ENC1: variants seen among roughly 807,000 people sequenced by gnomAD.
ENC1 encodes the protein ectoderm-neural cortex protein 1.
Under a neutral mutation model 40.9 loss-of-function variants are expected in ENC1, and 19 were observed. The ratio of observed to expected loss-of-function variants is 0.46; its 90% CI spans 0.32 to 0.68. ENC1 has a LOEUF of 0.68. Among genes scored for constraint, ENC1 ranks in the 30% least tolerant of loss-of-function variants. The pLI is 0.03. For missense variants in ENC1, 479 were observed against 737.5 expected (o/e 0.65, Z 4.06); for synonymous variants, 285 against 291.1 (o/e 0.98, Z 0.21).
rs758943823 is a variant in ENC1, at chr5:74,635,244, T to C, written c.1242A>G (p.Val414=). ...PASPSVSLKQ[V]EHYDPTINKW... ...TGTTGATTGTGGGGTCATAATGTTC[T>C]ACCTGCTTTAGAGAGACTGAGGGGG... The change falls in exon 2 of 3, where the codon GTA becomes GTG. Residue 414 remains valine (V), a synonymous_variant. Transcript: ENST00000302351. The surrounding 1 kb of genome is among the most constrained non-coding windows in gnomAD (Gnocchi z 5.5). 1.2e-6 allele frequency: 2 copies of C among 1,614,182 alleles called. No homozygotes were observed. Among genetic ancestry groups the C allele is most frequent in the Non-Finnish European group, 8.5e-7 (1 of 1,180,028 alleles).
chr5:74,637,742 A>G (rs1053926609), intron 1 of ENC1: 13 of 138,322 alleles, frequency 9.4e-5, no homozygotes, highest in Non-Finnish European at 1.4e-4. Flanking sequence ...TGCTTTATTT[A>G]AATCAAAAAA....
In ENC1 at chr5:74,635,668, T is replaced by C; in HGVS notation, c.818A>G (p.Lys273Arg). The part of the protein sequence containing the change: ...KEIVEEAIRC[K>R]LKILQNDGVV... Reference sequence around the variant, plus strand: ...ACCGTCATTCTGCAGGATTTTCAGTTTGCACCTGATGGCCTCTTCCACAAT... The same window carrying C: ...ACCGTCATTCTGCAGGATTTTCAGTCTGCACCTGATGGCCTCTTCCACAAT... Residue 273 changes from lysine (K) to arginine (R), a missense_variant, in exon 2 of 3, where the codon AAA becomes AGA. By Grantham distance (26) the Lys-to-Arg change is conservative (BLOSUM62 2). Coordinates refer to ENST00000302351, the MANE Select transcript of ENC1 (RefSeq NM_003633.4). The surrounding 1 kb of genome is among the most constrained non-coding windows in gnomAD (Gnocchi z 5.5). The C allele has an allele frequency of 1.9e-6, 3 of 1,614,162 alleles. No homozygotes were observed. The highest frequency in any genetic ancestry group is 2.5e-6 in the Non-Finnish European group (3 of 1,180,026).
At chr5:74,630,187 C>G (rs574708741) in intron 2 of ENC1, among the ~76,000 whole-genome samples, 195 bp from the exon 3 acceptor site, 2 of 152,270 alleles carry the variant, frequency 1.3e-5, no homozygotes, top group African/African-American at 4.8e-5. Flanking sequence ...AAGTACTTGC[C>G]TTAAATGCAC....
At chr5:74,638,417 T>G (rs77361079) in intron 1 of ENC1, among the ~76,000 whole-genome samples, 4,566 of 152,206 alleles carry the variant, frequency 0.03, 249 homozygotes, top group African/African-American at 0.11. Flanking sequence ...TTATGATGAG[T>G]AAACATGGCT....
chr5:74,638,950 C>T (rs916055152), intron 1 of ENC1, among the ~76,000 whole-genome samples: 10 of 152,204 alleles, frequency 6.6e-5, no homozygotes, highest in Non-Finnish European at 1.5e-4. Context: ...ACAACATTCA[C>T]AACCAGACTT....
rs751291467 is a variant in ENC1 at position 74,634,891 on chromosome 5, T to G, written c.1595A>C (p.His532Pro). 6.2e-7 allele frequency: 1 copy of G among 1,614,232 alleles called. No homozygotes were observed. Among genetic ancestry groups the G allele is most frequent in the African/African-American group, 1.3e-5 (1 of 75,066 alleles). Residue 532 changes from histidine to proline, a missense_variant, in exon 2 of 3, where the codon CAT becomes CCT. His to Pro is a moderately conservative substitution (Grantham distance 77). Coordinates refer to ENST00000302351, the MANE Select transcript of ENC1 (RefSeq NM_003633.4). ...GDVTAKRMSC[H>P]AVASGNKLYV... ...GAGTTTGTTTCCAGAGGCCACAGCA[T>G]GGCAGCTCATGCGCTTTGCTGTCAC... is the stretch of plus-strand genomic sequence containing the variant.
chr5:74,629,840 C>G lies in ENC1; in HGVS notation c.*185G>C, dbSNP rs1016466068. 9.0e-6 allele frequency: 1 copy of G among 111,370 alleles called. No homozygotes were observed. Among genetic ancestry groups the G allele is most frequent in the African/African-American group, 3.4e-5 (1 of 29,360 alleles). The allele number at this position is 111,370 out of a possible 1,614,324, so 6.9% of individuals were successfully genotyped here. A position where few individuals can be genotyped will look rare whatever the true frequency, so the allele number is the denominator to read the frequency against. On this transcript the variant is annotated 3_prime_UTR_variant, in exon 3 of 3. Coordinates refer to ENST00000302351, the MANE Select transcript of ENC1 (RefSeq NM_003633.4). ...TTGCACCAAAAATCCCACCCCCCTC[C>G]CTCGCCCCTTTCCTTCATGTCCAGT... is the stretch of plus-strand genomic sequence containing the variant.
intron 2 of ENC1, 84 bp from the exon 3 acceptor site, chr5:74,630,076 T>C (rs530808247): frequency 1.3e-5 from 2 of 152,338 alleles, no homozygotes; most frequent in South Asian, 4.1e-4. Context: ...ATTTTTCTTA[T>C]TAGCCACAAA....
Position 74,636,183 on chromosome 5 carries a change from C to T in ENC1, c.303G>A (p.Leu101=). 3 of 1,614,172 alleles carry T rather than the reference C, an allele frequency of 1.9e-6. No homozygotes were observed. Among genetic ancestry groups the T allele is most frequent in the Non-Finnish European group, 1.7e-6 (2 of 1,180,036 alleles). Residue 101 remains leucine (L), a synonymous_variant, in exon 2 of 3, where the codon CTG becomes CTA. Transcript: ENST00000302351. The surrounding 1 kb of genome is among the most constrained non-coding windows in gnomAD (Gnocchi z 4.8). ...CCCGGGAGGAGTACGCATAGTCAAGCAGCAGCTCCAAGACTTCTGGGTGGA... is the reference window on the plus strand; with the variant it reads ...CCCGGGAGGAGTACGCATAGTCAAGTAGCAGCTCCAAGACTTCTGGGTGGA... ...NSIHPEVLEL[L]LDYAYSSRVI...
rs1457821510 is a variant in ENC1 at position 74,629,580 on chromosome 5, C to T, written c.*445G>A. The stretch of plus-strand genomic sequence containing the variant: ...CCACAGTTGGGCTTTGAATCTCCAG[C>T]AGCAGCTGGTGTGGAGGCTTCAAGC... On this transcript the variant is annotated 3_prime_UTR_variant, in exon 3 of 3. Coordinates refer to ENST00000302351, the MANE Select transcript of ENC1 (RefSeq NM_003633.4). The T allele has an allele frequency of 6.6e-6, 1 of 152,276 alleles. No individual in the cohort carries two copies. The highest frequency in any genetic ancestry group is 1.5e-5 in the Non-Finnish European group (1 of 68,090). 9.4% of individuals were successfully genotyped at this position (152,276 alleles called of 1,614,324 possible). A position where few individuals can be genotyped will look rare whatever the true frequency, so the allele number is the denominator to read the frequency against.
At chr5:74,639,318 CA>C (rs1747736991) in intron 1 of ENC1, among the ~76,000 whole-genome samples, 1 of 152,200 alleles carries the variant, frequency 6.6e-6, no homozygotes, top group Admixed American at 6.5e-5. Flanking sequence ...TTTAAGCCCC[CA>C]GAGAAATCAC....
At position 74,636,158 on chromosome 5, in the gene ENC1, C is replaced by T; in HGVS notation, c.328G>A (p.Val110Ile). 1 of 1,614,148 alleles carries T rather than the reference C, an allele frequency of 6.2e-7. No homozygotes were observed. ...TCTGCATTTTCTTCATTGATGATGA[C>T]CCGGGAGGAGTACGCATAGTCAAGC... The part of the protein sequence containing the change: ...LLLDYAYSSR[V>I]IINEENAESL... The change falls in exon 2 of 3, where the codon GTC (valine) becomes ATC (isoleucine). Residue 110 changes from valine to isoleucine, a missense_variant. Transcript: ENST00000302351. This position sits in a 1 kb window ranked among gnomAD's most constrained non-coding sequence, Gnocchi z 4.8.
Position 74,636,493 on chromosome 5 carries a change from C to A in ENC1, c.-8G>T. On this transcript the variant is annotated 5_prime_UTR_variant, in exon 2 of 3. Transcript: ENST00000302351. This position sits in a 1 kb window ranked among gnomAD's most constrained non-coding sequence, Gnocchi z 4.8. The stretch of plus-strand genomic sequence containing the variant: ...ATGCACACTGACTGACATTTTGTTT[C>A]CACTCCTAAAAATAATAATAATAAT... 6.5e-7 allele frequency: 1 copy of A among 1,533,870 alleles called. No homozygotes were observed. Among genetic ancestry groups the A allele is most frequent in the Non-Finnish European group, 8.9e-7 (1 of 1,118,722 alleles).
intron 1 of ENC1, chr5:74,637,786 G>C (rs1747658077): frequency 7.1e-6 from 1 of 140,270 alleles, no homozygotes; most frequent in African/African-American, 2.6e-5. Context: ...GTGTGTGTGT[G>C]TGTGTGTATT....
At chr5:74,632,516 A>G (rs1209173448) in intron 2 of ENC1, among the ~76,000 whole-genome samples, 1 of 152,200 alleles carries the variant, frequency 6.6e-6, no homozygotes, top group African/African-American at 2.4e-5. Context: ...GAACTCTGAT[A>G]ACTGTACGAA....
At chr5:74,632,419 A>G (rs1304931223) in intron 2 of ENC1, among the ~76,000 whole-genome samples, 2 of 152,252 alleles carry the variant, frequency 1.3e-5, no homozygotes, top group African/African-American at 4.8e-5. Context: ...GTGAGACACT[A>G]TTAGCCCAGT....
At position 74,636,426 on chromosome 5, in the gene ENC1, G is replaced by A. The variant is rs1747596873; in HGVS notation, c.60C>T (p.Ile20=). The A allele has an allele frequency of 6.2e-7, 1 of 1,613,834 alleles. No individual in the cohort carries two copies. The highest frequency in any genetic ancestry group is 8.5e-7 in the Non-Finnish European group (1 of 1,179,880). Residue 20 remains isoleucine, a synonymous_variant, in exon 2 of 3, where the codon ATC becomes ATT. Transcript: ENST00000302351. This position sits in a 1 kb window ranked among gnomAD's most constrained non-coding sequence, Gnocchi z 4.8. ...KSRASSGSIN[I]YLFHKSSYAD... is the part of the protein sequence containing the mutation. Reference sequence around the variant, plus strand: ...CGTAGGAGGACTTGTGAAACAGATAGATGTTAATGGAGCCGCTGCTGGCCC... The same window carrying A: ...CGTAGGAGGACTTGTGAAACAGATAAATGTTAATGGAGCCGCTGCTGGCCC...
Position 74,635,611 on chromosome 5 carries a change from T to C in ENC1, c.875A>G (p.Lys292Arg). The change falls in exon 2 of 3, where the codon AAA becomes AGA. Residue 292 changes from lysine (K) to arginine (R), a missense_variant. By Grantham distance (26) the Lys-to-Arg change is conservative. Transcript: ENST00000302351. This position sits in a 1 kb window ranked among gnomAD's most constrained non-coding sequence, Gnocchi z 5.5. ...CAGAAGGAAGAGGGCATGGCCAGTT[T>C]TCCGAGGTCGGGCACAGAGGCTGGT... is the stretch of plus-strand genomic sequence containing the variant. ...VVTSLCARPR[K>R]TGHALFLLGG... The C allele has an allele frequency of 1.2e-6, 2 of 1,614,198 alleles. No homozygotes were observed. Among genetic ancestry groups the C allele is most frequent in the Non-Finnish European group, 1.7e-6 (2 of 1,180,038 alleles).
rs751485948 is a variant in ENC1 at position 74,636,519 on chromosome 5, A to C, written c.-13-21T>G. 10 of 1,311,904 alleles carry C rather than the reference A, an allele frequency of 7.6e-6. No individual in the cohort carries two copies. The East Asian group carries it at 2.5e-4, about 32-fold the overall frequency. 81.3% of individuals were successfully genotyped at this position (1,311,904 alleles called of 1,614,324 possible). A position where few individuals can be genotyped will look rare whatever the true frequency, so the allele number is the denominator to read the frequency against. On this transcript the variant is annotated intron_variant, in intron 1 of 2. Coordinates refer to ENST00000302351, the MANE Select transcript of ENC1 (RefSeq NM_003633.4). This position sits in a 1 kb window ranked among gnomAD's most constrained non-coding sequence, Gnocchi z 4.8. The stretch of plus-strand genomic sequence containing the variant: ...CACTCCTAAAAATAATAATAATAAT[A>C]AATTGAAAATGATGCTCCTGATGTT...
Sources: allele counts gnomAD v4.1 joint callset (sites outside exome capture counted in the v4.1 genomes callset), GRCh38; gene constraint gnomAD v4.1.1; non-coding constraint Gnocchi (gnomAD v3.1); transcripts MANE v1.5; gene names NCBI Gene and HGNC (gene_info 2026-07-23, HGNC 2026-07-21).